Variants in INSC observed in about 807,000 individuals in gnomAD.
The protein encoded by INSC is protein inscuteable homolog.
INSC carries 67 observed loss-of-function variants against 58.6 expected under a neutral mutation model. That is an observed-to-expected ratio of 1.14 (90% confidence interval 0.94 to 1.40). The LOEUF is 1.40. INSC is among the 40% of genes most tolerant of loss of function. The pLI is 0.00. For synonymous variants in INSC, 262 were observed against 276.1 expected, an observed-to-expected ratio of 0.95 and a Z score of 0.51; for missense variants, 714 against 692.0, an observed-to-expected ratio of 1.03 and a Z score of -0.36.
the INSC span, among the ~76,000 whole-genome samples, chr11:15,256,820 C>T: frequency 3.9e-5 from 6 of 152,018 alleles, no homozygotes; most frequent in Non-Finnish European, 7.4e-5. Context: ...GACTAGCCAT[C>T]AAAAGACAAT....
chr11:15,145,783 G>A (rs1848477810), intron 1 of INSC, among the ~76,000 whole-genome samples: 1 of 152,210 alleles, frequency 6.6e-6, no homozygotes, highest in Non-Finnish European at 1.5e-5. Context: ...GCTGGCACTA[G>A]GTGAAGCTGG....
upstream of INSC, among the ~76,000 whole-genome samples, chr11:15,113,408 C>T (rs1025138736): frequency 6.6e-6 from 1 of 152,146 alleles, no homozygotes; most frequent in African/African-American, 2.4e-5. Context: ...ATCTATCCAC[C>T]TTGGCCTCCC....
chr11:15,171,971 T>A (rs1433429953), intron 2 of INSC, among the ~76,000 whole-genome samples: 1 of 152,212 alleles, frequency 6.6e-6, no homozygotes, highest in East Asian at 1.9e-4. Flanking sequence ...AGACTAGACA[T>A]GGCCACAGAT....
intron 5 of INSC, among the ~76,000 whole-genome samples, chr11:15,180,706 G>T (rs1471170691): frequency 2.1e-5 from 3 of 139,548 alleles, no homozygotes; most frequent in Non-Finnish European, 4.7e-5. Context: ...GGGGGGGGTG[G>T]TGGCCACAGA....
chr11:15,129,308 C>G (rs1267472925), intron 1 of INSC, among the ~76,000 whole-genome samples: 1 of 152,068 alleles, frequency 6.6e-6, no homozygotes, highest in Admixed American at 6.5e-5. Context: ...CAATATCCCA[C>G]TGTATTTATT....
intron 9 of INSC, 84 bp downstream of exon 9, chr11:15,225,912 G>A: frequency 1.5e-6 from 2 of 1,376,728 alleles, no homozygotes; most frequent in South Asian, 1.4e-5. Flanking sequence ...TTCTGAGGCA[G>A]GGGAGAGAGC....
intron 10 of INSC, 53 bp from the exon 11 acceptor site, chr11:15,238,866 G>C: frequency 1.3e-6 from 2 of 1,575,014 alleles, no homozygotes. Context: ...CTGGCCCCAT[G>C]GGGAAGGCTC....
Position 15,221,460 on chromosome 11 carries a change from C to G in INSC, c.820-17C>G. ...CCACCCAGGATGCACAGGGGAGCTC[C>G]CTCTCTCCATCTGCAGGTGGATGGC... On this transcript the variant is annotated splice_polypyrimidine_tract_variant and intron_variant, in intron 7 of 12. Transcript: ENST00000379556. The G allele has an allele frequency of 1.9e-6, 3 of 1,595,494 alleles. No individual in the cohort carries two copies. The highest frequency in any genetic ancestry group is 2.3e-5 in the South Asian group (2 of 87,996).
intron 7 of INSC, among the ~76,000 whole-genome samples, chr11:15,214,559 C>T (rs1416015368): frequency 6.6e-6 from 1 of 152,236 alleles, no homozygotes; most frequent in African/African-American, 2.4e-5. Context: ...AAAACCACCA[C>T]TGGTGCTTTT....
At chr11:15,174,018 G>A (rs1438359289) in intron 2 of INSC, among the ~76,000 whole-genome samples, 1 of 152,092 alleles carries the variant, frequency 6.6e-6, no homozygotes, top group Non-Finnish European at 1.5e-5. Context: ...CAGAATAAAA[G>A]CCAAATCTCC....
At chr11:15,232,858 T>C (rs111572417) in intron 9 of INSC, among the ~76,000 whole-genome samples, 5 of 152,118 alleles carry the variant, frequency 3.3e-5, no homozygotes, top group African/African-American at 9.6e-5. Flanking sequence ...AGCTGGAAAA[T>C]AGAAACTAGG....
chr11:15,234,115 C>G (rs1241658048), intron 9 of INSC, among the ~76,000 whole-genome samples: 1 of 152,232 alleles, frequency 6.6e-6, no homozygotes, highest in Non-Finnish European at 1.5e-5. Flanking sequence ...GCTAGTCACC[C>G]CCTTCTTAAA....
intron 1 of INSC, among the ~76,000 whole-genome samples, chr11:15,140,346 A>C (rs1182963991): frequency 6.6e-6 from 1 of 152,166 alleles, no homozygotes; most frequent in Non-Finnish European, 1.5e-5. Context: ...CAAGGGAAAA[A>C]GTGCAAGCGT....
Position 15,239,065 on chromosome 11 carries a change from C to G in INSC, c.1384C>G (p.Arg462Gly), listed in dbSNP as rs368344814. ...RDPDVAREAV[R>G]LSCMSRLIEL... ...CCCAGATGTGGCACGGGAGGCCGTG[C>G]GGCTCAGCTGTGAGTGGTGCTTTCT... Residue 462 changes from arginine (R) to glycine (G), a missense_variant, in exon 11 of 13, where the codon CGG becomes GGG. By Grantham distance (125) the Arg-to-Gly change is moderately radical (BLOSUM62 -2). Coordinates refer to ENST00000379556, the MANE Select transcript of INSC (RefSeq NM_001042536.3). The G allele has an allele frequency of 6.2e-7, 1 of 1,612,234 alleles. No homozygotes were observed. Among genetic ancestry groups the G allele is most frequent in the Non-Finnish European group, 8.5e-7 (1 of 1,179,420 alleles).
At position 15,229,930 on chromosome 11, in the gene INSC, TATTATA is replaced by T. The variant is rs1417102002; in HGVS notation, c.1170+4103_1170+4108del. 6.7e-5 allele frequency among the ~76,000 whole-genome samples: 4 copies of T among 59,474 alleles called. 1 individual carries two copies. The highest frequency in any genetic ancestry group is 2.3e-4 in the African/African-American group (4 of 17,658). The allele number at this position is 59,474 out of a possible 152,430, so 39.0% of individuals were successfully genotyped here. Reference sequence around the variant, plus strand: ...TTTATATATATATAAATTTTTTATATATTATATATATATAATATTATATATATATTT... The same window carrying T: ...TTTATATATATATAAATTTTTTATATTATATATAATATTATATATATATTT... On this transcript the variant is annotated intron_variant, in intron 9 of 12. Coordinates refer to ENST00000379556, the MANE Select transcript of INSC (RefSeq NM_001042536.3).
chr11:15,255,329 A>T, the INSC span, among the ~76,000 whole-genome samples: 1 of 152,312 alleles, frequency 6.6e-6, no homozygotes, highest in Admixed American at 6.5e-5. Flanking sequence ...TCAGTCATAG[A>T]TATGAAAATT....
intron 7 of INSC, among the ~76,000 whole-genome samples, chr11:15,219,269 A>C (rs1263071180): frequency 6.6e-6 from 1 of 152,180 alleles, no homozygotes; most frequent in Non-Finnish European, 1.5e-5. Context: ...TTGGTGTGAC[A>C]AATGTGACAA....
At chr11:15,147,784 C>G (rs1848532655) in intron 1 of INSC, among the ~76,000 whole-genome samples, 1 of 152,192 alleles carries the variant, frequency 6.6e-6, no homozygotes, top group Non-Finnish European at 1.5e-5. Flanking sequence ...TCCTGCCTCC[C>G]CACACTTTTC....
At position 15,178,338 on chromosome 11, in the gene INSC, A is replaced by C; in HGVS notation, c.470A>C (p.Glu157Ala). The change falls in exon 5 of 13, where the codon GAG (glutamate) becomes GCG (alanine). Residue 157 changes from glutamate (E) to alanine (A), a missense_variant. Physicochemically the swap from Glu to Ala is moderately radical, Grantham distance 107 (BLOSUM62 -1). Transcript: ENST00000379556. ...SAVTERCLQV[E>A]NEHVLKSMKA... ...CTTCTCTTCAGGTGCCTTCAGGTTG[A>C]GAATGAGCATGTCCTGAAGTCAATG... 1 of 1,613,986 alleles carries C rather than the reference A, an allele frequency of 6.2e-7. No homozygotes were observed. Among genetic ancestry groups the C allele is most frequent in the Non-Finnish European group, 8.5e-7 (1 of 1,180,038 alleles).
Sources: gnomAD v4.1 joint callset for allele counts (sites outside exome capture counted in the v4.1 genomes callset) on GRCh38, gnomAD v4.1.1 for gene constraint, MANE v1.5 for transcripts, NCBI Gene and HGNC (gene_info 2026-07-23, HGNC 2026-07-21) for gene names.